RPS6KA2: variants seen among roughly 807,000 people sequenced by gnomAD.
RPS6KA2 encodes the protein ribosomal protein S6 kinase alpha-2.
Under a neutral mutation model 91.8 loss-of-function variants are expected in RPS6KA2, and 42 were observed. That is an observed-to-expected ratio of 0.46 (90% confidence interval 0.36 to 0.59). The LOEUF is 0.59. Ranked by LOEUF, RPS6KA2 falls within the 20% of genes least tolerant of loss-of-function variation. The probability of loss-of-function intolerance (pLI) is 0.00; values close to 1 mark genes in which losing one functional copy is unlikely to be tolerated. For missense variants in RPS6KA2, 798 were observed against 978.5 expected (o/e 0.82, Z 2.46); for synonymous variants, 414 against 393.6 (o/e 1.05, Z -0.61).
exon 2 of RPS6KA2, chr6:166,858,210 G>A: frequency 6.5e-7 from 1 of 1,530,824 alleles, no homozygotes; most frequent in Non-Finnish European, 9.1e-7. Context: ...TTCTTCTGCA[G>A]TGTCTTCTGT....
Position 166,563,017 on chromosome 6 carries a change from C to T in RPS6KA2, c.100-24233G>A, listed in dbSNP as rs2128506284. On this transcript the variant is annotated intron_variant, in intron 1 of 20. Coordinates refer to ENST00000265678, the MANE Select transcript of RPS6KA2 (RefSeq NM_021135.6). The surrounding 1 kb of genome is among the most constrained non-coding windows in gnomAD (Gnocchi z 4.1). ...GACCGAGGAACAGCGCAAAAGGTAA[C>T]ATCCAAGTCACAACAGGAGTCCAGA... Among the ~76,000 whole-genome samples, 1 of 152,348 alleles carries T rather than the reference C, an allele frequency of 6.6e-6. No individual in the cohort carries two copies. The highest frequency in any genetic ancestry group is 1.9e-4 in the East Asian group (1 of 5,178).
intron 2 of RPS6KA2, among the ~76,000 whole-genome samples, chr6:166,792,592 G>A (rs1479701865): frequency 6.6e-6 from 1 of 151,990 alleles, no homozygotes; most frequent in Non-Finnish European, 1.5e-5. Context: ...GAACATCGAT[G>A]CAAAAATCCT....
intron 2 of RPS6KA2, among the ~76,000 whole-genome samples, chr6:166,710,624 G>A (rs576407937): frequency 6.6e-6 from 1 of 152,150 alleles, no homozygotes; most frequent in South Asian, 2.1e-4. Flanking sequence ...CATGTGTTAT[G>A]CATCCTTCTT....
intron 2 of RPS6KA2, among the ~76,000 whole-genome samples, chr6:166,829,632 C>CAAAAAAAAAAAAAAAAAAA (rs1780133491): frequency 6.7e-6 from 1 of 150,328 alleles, no homozygotes; most frequent in African/African-American, 2.5e-5. Context: ...TTATATGGTC[C>CAAAAAAAAAAAAAAAAAAA]ATCAATTCCC....
chr6:166,484,040 C>T (rs1165772117), intron 10 of RPS6KA2, among the ~76,000 whole-genome samples: 1 of 152,342 alleles, frequency 6.6e-6, no homozygotes, highest in East Asian at 1.9e-4. Flanking sequence ...TGCATCTGAG[C>T]AGGCACTGCG....
At chr6:166,414,455 G>A (rs887990298) in intron 19 of RPS6KA2, among the ~76,000 whole-genome samples, 1 of 152,146 alleles carries the variant, frequency 6.6e-6, no homozygotes, top group African/African-American at 2.4e-5. Flanking sequence ...TTGTAAAGTC[G>A]TAGCAGTAAA....
chr6:166,562,794 G>A (rs1477328983), intron 1 of RPS6KA2, among the ~76,000 whole-genome samples: 2 of 152,318 alleles, frequency 1.3e-5, no homozygotes, highest in East Asian at 3.9e-4. Flanking sequence ...TGCTGAGCTG[G>A]TGGATGGGAC....
rs147789754 is a variant in RPS6KA2 at position 166,745,148 on chromosome 6, CT to C, written c.123+113051del. 6.4e-3 allele frequency among the ~76,000 whole-genome samples: 676 copies of C among 105,904 alleles called. 7 individuals carry two copies. Among genetic ancestry groups the C allele is most frequent in the East Asian group, 0.019 (52 of 2,772 alleles). 69.5% of individuals were successfully genotyped at this position (105,904 alleles called of 152,430 possible). On this transcript the variant is annotated intron_variant, in intron 2 of 21. Transcript: ENST00000503859. ...TGTGTGTGTCTGTGTCCTAATCGGC[CT>C]TTTTTTTTTTTTTTTTTTTGAGAGA...
intron 11 of RPS6KA2, among the ~76,000 whole-genome samples, chr6:166,464,491 C>A (rs1321810230): frequency 6.6e-6 from 1 of 152,178 alleles, no homozygotes; most frequent in African/African-American, 2.4e-5. Context: ...GTTCCAGAAA[C>A]AAAGATGTCC....
chr6:166,691,714 T>A (rs1184900467), intron 2 of RPS6KA2, among the ~76,000 whole-genome samples: 2 of 152,210 alleles, frequency 1.3e-5, no homozygotes, highest in African/African-American at 4.8e-5. Context: ...AAGGCCCCTA[T>A]CTAAATATTT....
At chr6:166,860,356 A>C (rs1781016820) in intron 1 of RPS6KA2, among the ~76,000 whole-genome samples, 1 of 152,234 alleles carries the variant, frequency 6.6e-6, no homozygotes, top group South Asian at 2.1e-4. Flanking sequence ...AACCTTTACC[A>C]TCTGCCCTCT....
At chr6:166,678,122 C>CGG (rs1788669480) in intron 2 of RPS6KA2, among the ~76,000 whole-genome samples, 2 of 152,190 alleles carry the variant, frequency 1.3e-5, no homozygotes, top group Non-Finnish European at 2.9e-5. Flanking sequence ...ATACCAACAG[C>CGG]CCGGCTCAAG....
At chr6:166,678,559 G>T (rs1788684131) in intron 2 of RPS6KA2, among the ~76,000 whole-genome samples, 1 of 152,070 alleles carries the variant, frequency 6.6e-6, no homozygotes, top group Admixed American at 6.5e-5. Flanking sequence ...CTTAAATAAG[G>T]CTTCCACTCT....
At chr6:166,425,261 A>G (rs2128442683) in intron 16 of RPS6KA2, among the ~76,000 whole-genome samples, 1 of 152,242 alleles carries the variant, frequency 6.6e-6, no homozygotes, top group Middle Eastern at 3.4e-3. Flanking sequence ...AAATTTAAAA[A>G]ATTTTAAAAT....
intron 2 of RPS6KA2, among the ~76,000 whole-genome samples, chr6:166,694,255 C>T (rs2128572449): frequency 6.6e-6 from 1 of 152,334 alleles, no homozygotes; most frequent in Non-Finnish European, 1.5e-5. Flanking sequence ...GCTTTATTTC[C>T]TGTTGAAGCA....
At chr6:166,456,304 G>A (rs775383139) in intron 12 of RPS6KA2, among the ~76,000 whole-genome samples, 2 of 152,192 alleles carry the variant, frequency 1.3e-5, no homozygotes, top group Non-Finnish European at 2.9e-5. Flanking sequence ...ATGACAGGTG[G>A]CCTAAATAGA....
chr6:166,707,193 G>T (rs1473765891), intron 2 of RPS6KA2, among the ~76,000 whole-genome samples: 3 of 152,244 alleles, frequency 2.0e-5, no homozygotes, highest in Non-Finnish European at 2.9e-5. Context: ...AACCCTTTGT[G>T]CAATGCCGGG....
intron 2 of RPS6KA2, among the ~76,000 whole-genome samples, chr6:166,685,567 C>T (rs575056909): frequency 6.6e-6 from 1 of 152,234 alleles, no homozygotes; most frequent in African/African-American, 2.4e-5. Flanking sequence ...TGTTGGAGTA[C>T]AGTTTCATTC....
Position 166,770,734 on chromosome 6 carries a change from C to T in RPS6KA2, c.123+87466G>A, listed in dbSNP as rs1778442844. The T allele has an allele frequency of 1.2e-6, 1 of 868,090 alleles. No individual in the cohort carries two copies. Among genetic ancestry groups the T allele is most frequent in the Admixed American group, 2.6e-5 (1 of 38,454 alleles). 53.8% of individuals were successfully genotyped at this position (868,090 alleles called of 1,614,324 possible). A position where few individuals can be genotyped will look rare whatever the true frequency, so the allele number is the denominator to read the frequency against. On this transcript the variant is annotated intron_variant, in intron 2 of 21. Coordinates refer to the RPS6KA2 transcript ENST00000503859. The surrounding 1 kb of genome is among the most constrained non-coding windows in gnomAD (Gnocchi z 5.1). Reference sequence around the variant, plus strand: ...CCAGCCTTCTAAAAGCTCTTCGCACCTTGCCTTGCTGGACTCCGGGCACCG... The same window carrying T: ...CCAGCCTTCTAAAAGCTCTTCGCACTTTGCCTTGCTGGACTCCGGGCACCG...
Sources: gnomAD v4.1 joint callset for allele counts (sites outside exome capture counted in the v4.1 genomes callset) on GRCh38, gnomAD v4.1.1 for gene constraint, Gnocchi (gnomAD v3.1) non-coding constraint, MANE v1.5 for transcripts, NCBI Gene and HGNC (gene_info 2026-07-23, HGNC 2026-07-21) for gene names.